Variants in TRRAP observed in about 807,000 individuals in gnomAD.
TRRAP encodes the protein transformation/transcription domain-associated protein.
Under a neutral mutation model 438.8 loss-of-function variants are expected in TRRAP, and 41 were observed. That is an observed-to-expected ratio of 0.09 (90% confidence interval 0.07 to 0.12). The LOEUF is 0.12. Among genes scored for constraint, TRRAP ranks in the 10% least tolerant of loss-of-function variants. The pLI is 1.00. For synonymous variants in TRRAP, 1,994 were observed against 1,962.9 expected (o/e 1.02, Z -0.42); for missense variants, 3,122 against 5,055.1 (o/e 0.62, Z 11.60).
chr7:98,897,843 C>T lies in TRRAP; in HGVS notation c.610C>T (p.Arg204Cys), dbSNP rs573134393. The T allele has an allele frequency of 6.8e-6, 11 of 1,613,828 alleles. No individual in the cohort carries two copies. Among genetic ancestry groups the T allele is most frequent in the African/African-American group, 1.3e-5 (1 of 74,844 alleles). ...GATTGCTGTGAAAGTCAACCCGGAG[C>T]GTGAGGACAGTGAGACTCGAACAGT... ...TTIAVKVNPE[R>C]EDSETRTHSI... Residue 204 changes from arginine (R) to cysteine (C), a missense_variant, in exon 8 of 73, where the codon CGT becomes TGT. By Grantham distance (180) the Arg-to-Cys change is radical (BLOSUM62 -3). Around this residue, in one of 24 missense-constraint regions of TRRAP, gnomAD observed 343 missense variants for 564.0 expected, o/e 0.61. Coordinates refer to ENST00000456197, the MANE Select transcript of TRRAP (RefSeq NM_001375524.1).
At chr7:98,979,693 A>G (rs928162647) in intron 58 of TRRAP, among the ~76,000 whole-genome samples, 1 of 152,222 alleles carries the variant, frequency 6.6e-6, no homozygotes, top group Non-Finnish European at 1.5e-5. Flanking sequence ...TTAGCTGGAT[A>G]TATGCAGCGT....
At position 98,999,556 on chromosome 7, in the gene TRRAP, G is replaced by A. The variant is rs930152112; in HGVS notation, c.10310-4634G>A. On this transcript the variant is annotated intron_variant, in intron 67 of 72. Coordinates refer to ENST00000456197, the MANE Select transcript of TRRAP (RefSeq NM_001375524.1). ...CTCTTGCTTAAGAAACTGCATCCAG[G>A]CAGACAGGATCCCACTGCCACTGTG... The A allele has an allele frequency of 1.3e-4, 92 of 729,142 alleles. No homozygotes were observed. The African/African-American group carries it at 1.4e-3, about 11-fold the overall frequency. 45.2% of individuals were successfully genotyped at this position (729,142 alleles called of 1,614,324 possible). A position where few individuals can be genotyped will look rare whatever the true frequency, so the allele number is the denominator to read the frequency against.
At chr7:99,001,200 G>A (rs1326621104) in intron 67 of TRRAP, among the ~76,000 whole-genome samples, 1 of 152,242 alleles carries the variant, frequency 6.6e-6, no homozygotes, top group Non-Finnish European at 1.5e-5. Context: ...CAGGCAGTCT[G>A]GGGGCGCAGC....
At chr7:98,936,423 T>C (rs1287948187) in intron 28 of TRRAP, among the ~76,000 whole-genome samples, 1 of 152,192 alleles carries the variant, frequency 6.6e-6, no homozygotes, top group Non-Finnish European at 1.5e-5. Flanking sequence ...TGGGGAACTC[T>C]CCTGTGCCTC....
At position 98,956,311 on chromosome 7, in the gene TRRAP, G is replaced by C. The variant is rs200762615; in HGVS notation, c.6096+7G>C. On this transcript the variant is annotated splice_region_variant and intron_variant, in intron 42 of 72. Coordinates refer to ENST00000456197, the MANE Select transcript of TRRAP (RefSeq NM_001375524.1). This position sits in a 1 kb window ranked among gnomAD's most constrained non-coding sequence, Gnocchi z 4.5. The stretch of plus-strand genomic sequence containing the variant: ...GAGGATCAAGGACCAGCAGGTAGGG[G>C]TGTCAGCCTCAGGGGTGCCCCGATC... 1 of 1,614,172 alleles carries C rather than the reference G, an allele frequency of 6.2e-7. No individual in the cohort carries two copies. The highest frequency in any genetic ancestry group is 8.5e-7 in the Non-Finnish European group (1 of 1,179,984).
intron 38 of TRRAP, 87 bp from the exon 39 acceptor site, chr7:98,950,788 TA>T: frequency 7.1e-7 from 1 of 1,417,614 alleles, no homozygotes. Flanking sequence ...GATGGTGTGC[TA>T]AGGCCAAGAC....
At chr7:98,971,102 G>A (rs1309127632) in intron 52 of TRRAP, among the ~76,000 whole-genome samples, 5 of 152,122 alleles carry the variant, frequency 3.3e-5, no homozygotes, top group Admixed American at 6.5e-5. Context: ...GGGGTGGTGC[G>A]TCCCCTCTTC....
Position 98,912,141 on chromosome 7 carries a change from G to T in TRRAP, c.2127G>T (p.Leu709=). The change falls in exon 18 of 73, where the codon CTG becomes CTT. Residue 709 remains leucine, a synonymous_variant. Transcript: ENST00000456197. ...EMGSNVELSN[L]YLKLFKLVFG... ...GCTCCAACGTGGAGCTCTCCAACCTGTACCTCAAGCTGTTCAAGCTGGTCT... is the reference window on the plus strand; with the variant it reads ...GCTCCAACGTGGAGCTCTCCAACCTTTACCTCAAGCTGTTCAAGCTGGTCT... The T allele has an allele frequency of 6.2e-7, 1 of 1,614,170 alleles. No homozygotes were observed. Among genetic ancestry groups the T allele is most frequent in the Non-Finnish European group, 8.5e-7 (1 of 1,180,026 alleles).
intron 40 of TRRAP, among the ~76,000 whole-genome samples, chr7:98,953,733 C>T (rs1252049439): frequency 1.2e-4 from 19 of 152,142 alleles, no homozygotes; most frequent in Admixed American, 1.2e-3. Context: ...CTCATGGCTG[C>T]ACACAGTGTG....
intron 4 of TRRAP, among the ~76,000 whole-genome samples, chr7:98,891,204 T>TATATA (rs71799326): frequency 0.022 from 1,499 of 69,200 alleles, 2 homozygotes; most frequent in Middle Eastern, 0.031. Flanking sequence ...TATATATATA[T>TATATA]TTTTTTTTTT....
intron 30 of TRRAP, among the ~76,000 whole-genome samples, chr7:98,941,425 C>T (rs1790791602): frequency 6.6e-6 from 1 of 152,184 alleles, no homozygotes; most frequent in African/African-American, 2.4e-5. Context: ...ATCTGTACAC[C>T]TCCCAAAGTG....
chr7:98,904,483 C>CAAAA (rs59353514), intron 12 of TRRAP, among the ~76,000 whole-genome samples: 5 of 45,550 alleles, frequency 1.1e-4, no homozygotes, highest in East Asian at 1.7e-3. Context: ...GACTCTGTCT[C>CAAAA]AAAAAAAAAA....
At chr7:98,971,693 A>G (rs1006568391) in intron 52 of TRRAP, 106 bp from the exon 53 acceptor site, 3 of 1,410,366 alleles carry the variant, frequency 2.1e-6, no homozygotes, top group Non-Finnish European at 2.9e-6. Context: ...CAGGAAACGA[A>G]CACGAATTTT....
intron 53 of TRRAP, chr7:98,975,859 T>C (rs138970241): frequency 5.5e-5 from 17 of 309,364 alleles, no homozygotes; most frequent in Non-Finnish European, 7.1e-5. Context: ...TTCTTGGATA[T>C]GGTGGGATCA....
chr7:99,004,832 C>G (rs886183437), intron 68 of TRRAP, among the ~76,000 whole-genome samples: 10 of 152,168 alleles, frequency 6.6e-5, no homozygotes, highest in African/African-American at 2.4e-4. Context: ...TATTTCTGAA[C>G]CAGACACAGC....
chr7:98,979,419 C>G (rs1792813402), intron 58 of TRRAP, among the ~76,000 whole-genome samples: 1 of 152,170 alleles, frequency 6.6e-6, no homozygotes, highest in African/African-American at 2.4e-5. Flanking sequence ...GCTACTTACA[C>G]AGTTGTTTTG....
rs1475196953 is a variant in TRRAP at position 98,908,952 on chromosome 7, G to A, written c.1340G>A (p.Arg447Gln). 12 of 1,612,992 alleles carry A rather than the reference G, an allele frequency of 7.4e-6. No homozygotes were observed. The highest frequency in any genetic ancestry group is 2.2e-5 in the East Asian group (1 of 44,840). The change falls in exon 14 of 73, where the codon CGG becomes CAG. Residue 447 changes from arginine to glutamine, a missense_variant. Transcript: ENST00000456197. This position sits in a 1 kb window ranked among gnomAD's most constrained non-coding sequence, Gnocchi z 4.1. The part of the protein sequence containing the change: ...ESGNGRDVLM[R>Q]MLEVFVLKFH... ...GGCAATGGGAGAGACGTCCTGATGC[G>A]GATGCTGGAGGTACCAGCTCTTCTG...
intron 51 of TRRAP, among the ~76,000 whole-genome samples, chr7:98,968,034 T>G (rs1792235160): frequency 1.3e-5 from 2 of 152,148 alleles, no homozygotes. Flanking sequence ...CTTTTTTTTT[T>G]TTGAGACAGA....
At chr7:98,899,561 G>A (rs915630492) in intron 9 of TRRAP, 62 bp downstream of exon 9, 13 of 1,605,188 alleles carry the variant, frequency 8.1e-6, no homozygotes, top group Non-Finnish European at 1.1e-5. Context: ...TTGGCATCTG[G>A]GGCCAAAAGA....
Sources: allele counts gnomAD v4.1 joint callset (sites outside exome capture counted in the v4.1 genomes callset), GRCh38; gene constraint gnomAD v4.1.1; regional missense constraint gnomAD v4.1.1; non-coding constraint Gnocchi (gnomAD v3.1); transcripts MANE v1.5; gene names NCBI Gene and HGNC (gene_info 2026-07-23, HGNC 2026-07-21).